MEIS1: variants seen among roughly 807,000 people sequenced by gnomAD.
MEIS1 encodes the protein Meis homeobox 1, also known as homeobox protein Meis1.
Under a neutral mutation model 50.8 loss-of-function variants are expected in MEIS1, and 5 were observed. The observed-to-expected ratio is 0.10, with a 90% CI of 0.05 to 0.21. MEIS1 has a LOEUF of 0.21. MEIS1 is among the 10% of genes least tolerant of loss of function. MEIS1 has a pLI of 1.00. For missense variants in MEIS1, 318 were observed against 517.3 expected (o/e 0.61, Z 3.74); for synonymous variants, 176 against 179.3 (o/e 0.98, Z 0.15).
chr2:66,543,129 C>G (rs1263557280), intron 8 of MEIS1, among the ~76,000 whole-genome samples: 1 of 152,158 alleles, frequency 6.6e-6, no homozygotes, highest in Non-Finnish European at 1.5e-5. Flanking sequence ...TCACCATTTT[C>G]TGTCACTTTC....
At chr2:66,567,326 G>A (rs921996020) in intron 9 of MEIS1, 127 bp from the exon 10 acceptor site, 13 of 927,662 alleles carry the variant, frequency 1.4e-5, no homozygotes, top group Admixed American at 2.0e-5. Context: ...GAGCAATGGA[G>A]AGAACTGAAG....
intron 7 of MEIS1, among the ~76,000 whole-genome samples, chr2:66,511,520 C>G (rs1404531915): frequency 6.6e-6 from 1 of 152,192 alleles, no homozygotes; most frequent in Non-Finnish European, 1.5e-5. Context: ...TTGATTTACA[C>G]AGTAATTGTT....
chr2:66,457,533 A>G (rs1672420081), intron 6 of MEIS1, among the ~76,000 whole-genome samples: 1 of 152,180 alleles, frequency 6.6e-6, no homozygotes, highest in Non-Finnish European at 1.5e-5. Flanking sequence ...TTCTCTGCAT[A>G]TGGATCTCTC....
intron 8 of MEIS1, among the ~76,000 whole-genome samples, chr2:66,535,113 A>G (rs960014128): frequency 1.1e-4 from 16 of 152,174 alleles, no homozygotes; most frequent in Admixed American, 9.2e-4. Context: ...CATTAACAAG[A>G]TAAACTTTGA....
intron 7 of MEIS1, among the ~76,000 whole-genome samples, chr2:66,466,302 G>A (rs993060135): frequency 1.3e-5 from 2 of 152,176 alleles, no homozygotes; most frequent in Non-Finnish European, 2.9e-5. Context: ...AACTTCCACT[G>A]TCATCAAATA....
intron 7 of MEIS1, among the ~76,000 whole-genome samples, chr2:66,510,518 T>A: frequency 6.6e-6 from 1 of 152,320 alleles, no homozygotes; most frequent in Non-Finnish European, 1.5e-5. Context: ...AGATAGATTT[T>A]AAATATAATA....
chr2:66,458,279 C>T (rs374725046), intron 6 of MEIS1, among the ~76,000 whole-genome samples: 9 of 152,140 alleles, frequency 5.9e-5, no homozygotes, highest in East Asian at 1.9e-4. Flanking sequence ...TATTAGGCAT[C>T]GAATTAAACT....
intron 7 of MEIS1, among the ~76,000 whole-genome samples, chr2:66,464,654 C>T (rs534119097): frequency 5.9e-5 from 9 of 152,166 alleles, no homozygotes; most frequent in South Asian, 4.1e-4. Flanking sequence ...AGCACATGCT[C>T]GGCTTCCCTC....
At chr2:66,440,684 G>T (rs1221349586) in intron 4 of MEIS1, 72 bp downstream of exon 4, 2 of 1,055,704 alleles carry the variant, frequency 1.9e-6, no homozygotes, top group South Asian at 1.4e-5. Context: ...CCTCAGCTTT[G>T]CTTTGAGAGC....
At chr2:66,446,326 T>C (rs1672144900) in intron 6 of MEIS1, among the ~76,000 whole-genome samples, 1 of 152,070 alleles carries the variant, frequency 6.6e-6, no homozygotes, top group African/African-American at 2.4e-5. Flanking sequence ...TCGGCTTCCT[T>C]CCTAGGCCGC....
chr2:66,572,625 C>T lies in MEIS1; in HGVS notation c.*1417C>T, dbSNP rs1388888016. On this transcript the variant is annotated 3_prime_UTR_variant, in exon 13 of 13. Transcript: ENST00000272369. ...AAACCAAGGAGCTAATTATTAATAA[C>T]AATCATTGCACACTGAGTCTTAGCG... 1 of 152,098 alleles carries T rather than the reference C, an allele frequency of 6.6e-6. No individual in the cohort carries two copies. The highest frequency in any genetic ancestry group is 2.1e-4 in the South Asian group (1 of 4,822). 9.4% of individuals were successfully genotyped at this position (152,098 alleles called of 1,614,324 possible).
At chr2:66,449,961 CTGT>C (rs1246492832) in intron 6 of MEIS1, among the ~76,000 whole-genome samples, 6 of 152,014 alleles carry the variant, frequency 3.9e-5, no homozygotes, top group Non-Finnish European at 5.9e-5. Flanking sequence ...AATTATACAC[CTGT>C]TGTTTATTGG....
intron 6 of MEIS1, among the ~76,000 whole-genome samples, chr2:66,457,393 G>A (rs1672417274): frequency 6.6e-6 from 1 of 152,036 alleles, no homozygotes; most frequent in African/African-American, 2.4e-5. Flanking sequence ...ACGAGTTTCA[G>A]TATGACAAGA....
intron 9 of MEIS1, among the ~76,000 whole-genome samples, chr2:66,566,988 T>C (rs1675364928): frequency 6.6e-6 from 1 of 152,054 alleles, no homozygotes; most frequent in Non-Finnish European, 1.5e-5. Flanking sequence ...TAAAATAGAA[T>C]TAGGTTTGCA....
intron 7 of MEIS1, among the ~76,000 whole-genome samples, chr2:66,498,238 C>T (rs1052158999): frequency 4.6e-5 from 7 of 152,114 alleles, no homozygotes; most frequent in East Asian, 1.9e-4. Context: ...TGCTGCCAAA[C>T]GATGCGCGAA....
intron 6 of MEIS1, among the ~76,000 whole-genome samples, chr2:66,445,500 C>T (rs1446908600): frequency 6.6e-6 from 1 of 152,204 alleles, no homozygotes; most frequent in Non-Finnish European, 1.5e-5. Flanking sequence ...GGGGGCCGGG[C>T]AGGAAGGATG....
intron 6 of MEIS1, among the ~76,000 whole-genome samples, chr2:66,450,775 T>C (rs1478040233): frequency 6.6e-6 from 1 of 152,184 alleles, no homozygotes; most frequent in Non-Finnish European, 1.5e-5. Flanking sequence ...TTAGAATGAA[T>C]TGTTGCTTGT....
At chr2:66,529,425 T>A (rs1195537713) in intron 8 of MEIS1, among the ~76,000 whole-genome samples, 1 of 152,156 alleles carries the variant, frequency 6.6e-6, no homozygotes, top group Non-Finnish European at 1.5e-5. Flanking sequence ...TGTCATTTAT[T>A]TGTTTATCTA....
At chr2:66,550,767 G>C (rs1674900079) in intron 9 of MEIS1, among the ~76,000 whole-genome samples, 2 of 152,004 alleles carry the variant, frequency 1.3e-5, no homozygotes, top group African/African-American at 4.8e-5. Context: ...CAAAGTGCTG[G>C]GATTACAGGC....
Sources: allele counts gnomAD v4.1 joint callset (sites outside exome capture counted in the v4.1 genomes callset), GRCh38; gene constraint gnomAD v4.1.1; transcripts MANE v1.5; gene names NCBI Gene and HGNC (gene_info 2026-07-23, HGNC 2026-07-21).